SNX33: variants seen among roughly 807,000 people sequenced by gnomAD.
SNX33 encodes sorting nexin-33.
SNX33 carries 19 observed loss-of-function variants against 38.8 expected under a neutral mutation model. The ratio of observed to expected loss-of-function variants is 0.49; its 90% CI spans 0.34 to 0.72. The LOEUF (loss-of-function observed/expected upper bound fraction) is 0.72, where lower values mean the gene tolerates loss of function less well. Ranked by LOEUF, SNX33 falls within the 30% of genes least tolerant of loss-of-function variation. SNX33 has a pLI of 0.01. For missense variants in SNX33, 641 were observed against 776.4 expected (o/e 0.83, Z 2.07); for synonymous variants, 246 against 289.7 (o/e 0.85, Z 1.53).
intron 1 of SNX33, among the ~76,000 whole-genome samples, chr15:75,655,499 C>T (rs1256359205): frequency 6.6e-6 from 1 of 152,198 alleles, no homozygotes; most frequent in Non-Finnish European, 1.5e-5. Flanking sequence ...GCCCTGGAGA[C>T]TCTCTGAACT....
Position 75,650,166 on chromosome 15 carries a change from G to C in SNX33, c.1064G>C (p.Gly355Ala). ...KRRAEKDEMV[G>A]ASFLLTFQIP... ...CGGGCGGAGAAGGATGAGATGGTGG[G>C]TGCCAGCTTCCTGCTCACCTTCCAG... is the stretch of plus-strand genomic sequence containing the variant. Residue 355 changes from glycine to alanine, a missense_variant, in exon 1 of 2, where the codon GGT becomes GCT. Transcript: ENST00000308527. This position sits in a 1 kb window ranked among gnomAD's most constrained non-coding sequence, Gnocchi z 6.1. 1 of 1,610,192 alleles carries C rather than the reference G, an allele frequency of 6.2e-7. No individual in the cohort carries two copies. The highest frequency in any genetic ancestry group is 8.5e-7 in the Non-Finnish European group (1 of 1,177,992).
rs1350507948 is a variant in SNX33, at chr15:75,657,288, A to G, written c.*73A>G. 3 of 1,584,478 alleles carry G rather than the reference A, an allele frequency of 1.9e-6. No homozygotes were observed. The highest frequency in any genetic ancestry group is 1.7e-5 in the Admixed American group (1 of 59,128). On this transcript the variant is annotated 3_prime_UTR_variant, in exon 2 of 2. Transcript: ENST00000308527. The surrounding 1 kb of genome is among the most constrained non-coding windows in gnomAD (Gnocchi z 5.5). ...TGTACCCCACTTTCCCGACCTCCCTATACCAGCAGTGACTGGGGGAGGGGT... is the reference window on the plus strand; with the variant it reads ...TGTACCCCACTTTCCCGACCTCCCTGTACCAGCAGTGACTGGGGGAGGGGT...
rs200809372 is a variant in SNX33, at chr15:75,650,486, A to G, written c.1384A>G (p.Lys462Glu). The change falls in exon 1 of 2, where the codon AAG (lysine) becomes GAG (glutamate). Residue 462 changes from lysine to glutamate, a missense_variant. By Grantham distance (56) the Lys-to-Glu change is moderately conservative. Around this residue, in one of 2 missense-constraint regions of SNX33, gnomAD observed 398 missense variants for 542.5 expected, o/e 0.73. Coordinates refer to ENST00000308527, the MANE Select transcript of SNX33 (RefSeq NM_153271.2). The surrounding 1 kb of genome is among the most constrained non-coding windows in gnomAD (Gnocchi z 6.1). The stretch of plus-strand genomic sequence containing the variant: ...CGGGGAGATGTTTGCTGAGCAGCCC[A>G]AGAATGACCTCTTCCAGATGCTGGA... ...AIGEMFAEQPKNDLFQMLDTL... is the reference protein window; with the variant it reads ...AIGEMFAEQPENDLFQMLDTL... 6 of 1,614,102 alleles carry G rather than the reference A, an allele frequency of 3.7e-6. No individual in the cohort carries two copies. Among genetic ancestry groups the G allele is most frequent in the Non-Finnish European group, 5.1e-6 (6 of 1,180,034 alleles).
chr15:75,658,129 G>A lies in SNX33; in HGVS notation c.*914G>A, dbSNP rs146907105. The A allele has an allele frequency of 0.012, 1,901 of 152,650 alleles. 31 individuals are homozygous for A. Among genetic ancestry groups the A allele is most frequent in the Non-Finnish European group, 0.019 (1,293 of 68,030 alleles). The allele number at this position is 152,650 out of a possible 1,614,324, so 9.5% of individuals were successfully genotyped here. A position where few individuals can be genotyped will look rare whatever the true frequency, so the allele number is the denominator to read the frequency against. On this transcript the variant is annotated 3_prime_UTR_variant, in exon 2 of 2. Coordinates refer to ENST00000308527, the MANE Select transcript of SNX33 (RefSeq NM_153271.2). This position sits in a 1 kb window ranked among gnomAD's most constrained non-coding sequence, Gnocchi z 4.1. ...AGCATCCTCCCCTCCTCGGACTCAA[G>A]GTGCTGAGGTATAAGCCCTGGGCCC...
Position 75,647,946 on chromosome 15 carries a change from G to A in SNX33, c.-1157G>A. Reference sequence around the variant, plus strand: ...TTTTGGAGCTGCCTTCTCGCTGGCGGAGCGGAGGGTCTGCGAGCGCCGGGG... The same window carrying A: ...TTTTGGAGCTGCCTTCTCGCTGGCGAAGCGGAGGGTCTGCGAGCGCCGGGG... On this transcript the variant is annotated 5_prime_UTR_variant, in exon 1 of 2. Transcript: ENST00000308527. The A allele has an allele frequency of 6.1e-6, 6 of 985,452 alleles. No individual in the cohort carries two copies. Among genetic ancestry groups the A allele is most frequent in the Non-Finnish European group, 7.2e-6 (6 of 829,914 alleles). 61.0% of individuals were successfully genotyped at this position (985,452 alleles called of 1,614,324 possible). A position where few individuals can be genotyped will look rare whatever the true frequency, so the allele number is the denominator to read the frequency against.
Position 75,649,545 on chromosome 15 carries a change from C to A in SNX33, c.443C>A (p.Pro148His). The A allele has an allele frequency of 6.2e-7, 1 of 1,612,352 alleles. No individual in the cohort carries two copies. The highest frequency in any genetic ancestry group is 8.5e-7 in the Non-Finnish European group (1 of 1,178,966). The change falls in exon 1 of 2, where the codon CCT becomes CAT. Residue 148 changes from proline (P) to histidine (H), a missense_variant. Transcript: ENST00000308527. This position sits in a 1 kb window ranked among gnomAD's most constrained non-coding sequence, Gnocchi z 6.6. Reference sequence around the variant, plus strand: ...CACCCTCCCCTCAACCTCTCCTACCCTGGTGCCTACCCCAGCCAGCACATG... The same window carrying A: ...CACCCTCCCCTCAACCTCTCCTACCATGGTGCCTACCCCAGCCAGCACATG... ...NGHPPLNLSY[P>H]GAYPSQHMAF...
At position 75,648,555 on chromosome 15, in the gene SNX33, G is replaced by T. The variant is rs1188285015; in HGVS notation, c.-548G>T. ...TTTTTGAAAACCCAGTGGCCCAGGAGCAAGAGGAGGAAGGAGGAAGGGGCA... is the reference window on the plus strand; with the variant it reads ...TTTTTGAAAACCCAGTGGCCCAGGATCAAGAGGAGGAAGGAGGAAGGGGCA... On this transcript the variant is annotated 5_prime_UTR_variant, in exon 1 of 2. Coordinates refer to ENST00000308527, the MANE Select transcript of SNX33 (RefSeq NM_153271.2). This position sits in a 1 kb window ranked among gnomAD's most constrained non-coding sequence, Gnocchi z 4.4. The T allele has an allele frequency of 1.0e-6, 1 of 985,274 alleles. No individual in the cohort carries two copies. Among genetic ancestry groups the T allele is most frequent in the Non-Finnish European group, 1.2e-6 (1 of 829,884 alleles). 61.0% of individuals were successfully genotyped at this position (985,274 alleles called of 1,614,324 possible).
chr15:75,648,821 C>G lies in SNX33; in HGVS notation c.-282C>G, dbSNP rs995978545. On this transcript the variant is annotated 5_prime_UTR_variant, in exon 1 of 2. Coordinates refer to ENST00000308527, the MANE Select transcript of SNX33 (RefSeq NM_153271.2). This position sits in a 1 kb window ranked among gnomAD's most constrained non-coding sequence, Gnocchi z 4.4. ...TTAGGAGAGATTCCCCTCTAACCCC[C>G]CAGAGGCTGCTAAGGGAGGAGGAGA... 3 of 334,360 alleles carry G rather than the reference C, an allele frequency of 9.0e-6. No homozygotes were observed. The highest frequency in any genetic ancestry group is 4.9e-5 in the Admixed American group (1 of 20,522). The allele number at this position is 334,360 out of a possible 1,614,324, so 20.7% of individuals were successfully genotyped here.
Position 75,657,123 on chromosome 15 carries a change from A to T in SNX33, c.1633A>T (p.Met545Leu). The change falls in exon 2 of 2, where the codon ATG becomes TTG. Residue 545 changes from methionine (M) to leucine (L), a missense_variant. This residue lies in a region of SNX33 where 398 missense variants were observed against 542.5 expected (regional missense o/e 0.73). Coordinates refer to ENST00000308527, the MANE Select transcript of SNX33 (RefSeq NM_153271.2). The surrounding 1 kb of genome is among the most constrained non-coding windows in gnomAD (Gnocchi z 5.5). Reference sequence around the variant, plus strand: ...GCGCCGTGAGCTCGACTTCAAGCACATGATGCAGAACTACTTGCGCCAGCA... The same window carrying T: ...GCGCCGTGAGCTCGACTTCAAGCACTTGATGCAGAACTACTTGCGCCAGCA... ...HQRRELDFKH[M>L]MQNYLRQQIL... The T allele has an allele frequency of 1.2e-6, 2 of 1,614,200 alleles. No homozygotes were observed. Among genetic ancestry groups the T allele is most frequent in the South Asian group, 1.1e-5 (1 of 91,088 alleles).
In SNX33 at chr15:75,649,460, T is replaced by G; in HGVS notation, c.358T>G (p.Trp120Gly). The change falls in exon 1 of 2, where the codon TGG becomes GGG. Residue 120 changes from tryptophan to glycine, a missense_variant. Physicochemically the swap from Trp to Gly is radical, Grantham distance 184. This residue lies in a region of SNX33 where 243 missense variants were observed against 233.9 expected (regional missense o/e 1.04). Transcript: ENST00000308527. The surrounding 1 kb of genome is among the most constrained non-coding windows in gnomAD (Gnocchi z 6.6). ...GGATGATGATGATGACTGGGATGACTGGGACGACGGATGCACAGTGGTGGA... is the reference window on the plus strand; with the variant it reads ...GGATGATGATGATGACTGGGATGACGGGGACGACGGATGCACAGTGGTGGA... ...EEDDDDDWDD[W>G]DDGCTVVEEP... The G allele has an allele frequency of 6.5e-7, 1 of 1,537,260 alleles. No individual in the cohort carries two copies. Among genetic ancestry groups the G allele is most frequent in the Non-Finnish European group, 8.8e-7 (1 of 1,139,996 alleles).
Position 75,649,584 on chromosome 15 carries a change from A to T in SNX33, c.482A>T (p.Lys161Met). 6.2e-7 allele frequency: 1 copy of T among 1,613,890 alleles called. No individual in the cohort carries two copies. The highest frequency in any genetic ancestry group is 8.5e-7 in the Non-Finnish European group (1 of 1,179,882). Residue 161 changes from lysine to methionine, a missense_variant, in exon 1 of 2, where the codon AAG (lysine) becomes ATG (methionine). By Grantham distance (95) the Lys-to-Met change is moderately conservative. Coordinates refer to ENST00000308527, the MANE Select transcript of SNX33 (RefSeq NM_153271.2). This position sits in a 1 kb window ranked among gnomAD's most constrained non-coding sequence, Gnocchi z 6.6. ...AGCCAGCACATGGCCTTCCGGCCCAAGCCACCACTGGAGCGGCAGGACAGC... is the reference window on the plus strand; with the variant it reads ...AGCCAGCACATGGCCTTCCGGCCCATGCCACCACTGGAGCGGCAGGACAGC... Reference protein sequence around the residue: ...YPSQHMAFRPKPPLERQDSLA... With the variant: ...YPSQHMAFRPMPPLERQDSLA...
At chr15:75,656,651 C>CA (rs1893655172) in intron 1 of SNX33, among the ~76,000 whole-genome samples, 1 of 152,148 alleles carries the variant, frequency 6.6e-6, no homozygotes, top group Admixed American at 6.5e-5. Flanking sequence ...ACCAGAGACA[C>CA]AGAGAGGTTG....
At chr15:75,654,098 A>T (rs1344676184) in intron 1 of SNX33, among the ~76,000 whole-genome samples, 4 of 91,204 alleles carry the variant, frequency 4.4e-5, no homozygotes, top group Non-Finnish European at 7.9e-5. Flanking sequence ...ATCTCAAATT[A>T]AAAAAAAAAA....
At chr15:75,652,975 G>A (rs1017270793) in intron 1 of SNX33, among the ~76,000 whole-genome samples, 5 of 152,124 alleles carry the variant, frequency 3.3e-5, no homozygotes, top group Non-Finnish European at 7.4e-5. Context: ...AATGGGTGGT[G>A]AGTGTGTGGG....
rs1208494436 is a variant in SNX33, at chr15:75,657,122, C to A, written c.1632C>A (p.His544Gln). 3.7e-6 allele frequency: 6 copies of A among 1,614,086 alleles called. No individual in the cohort carries two copies. In the Admixed American group the frequency reaches 8.3e-5, roughly 22 times the overall value. Residue 544 changes from histidine (H) to glutamine (Q), a missense_variant, in exon 2 of 2, where the codon CAC becomes CAA. Physicochemically the swap from His to Gln is conservative, Grantham distance 24. Coordinates refer to ENST00000308527, the MANE Select transcript of SNX33 (RefSeq NM_153271.2). The surrounding 1 kb of genome is among the most constrained non-coding windows in gnomAD (Gnocchi z 5.5). ...FHQRRELDFK[H>Q]MMQNYLRQQI... is the part of the protein sequence containing the mutation. ...AGCGCCGTGAGCTCGACTTCAAGCACATGATGCAGAACTACTTGCGCCAGC... is the reference window on the plus strand; with the variant it reads ...AGCGCCGTGAGCTCGACTTCAAGCAAATGATGCAGAACTACTTGCGCCAGC...
chr15:75,650,409 C>T lies in SNX33; in HGVS notation c.1307C>T (p.Ser436Phe). 1 of 1,614,022 alleles carries T rather than the reference C, an allele frequency of 6.2e-7. No individual in the cohort carries two copies. The highest frequency in any genetic ancestry group is 8.5e-7 in the Non-Finnish European group (1 of 1,179,978). ...HSFQMDPPFC[S>F]EALNSAISHT... is the part of the protein sequence containing the mutation. ...TTCCAGATGGACCCCCCCTTTTGCT[C>T]TGAGGCCCTCAACAGTGCCATTTCT... The change falls in exon 1 of 2, where the codon TCT (serine) becomes TTT (phenylalanine). Residue 436 changes from serine (S) to phenylalanine (F), a missense_variant. By Grantham distance (155) the Ser-to-Phe change is radical (BLOSUM62 -2). Around this residue, in one of 2 missense-constraint regions of SNX33, gnomAD observed 398 missense variants for 542.5 expected, o/e 0.73. Transcript: ENST00000308527. This position sits in a 1 kb window ranked among gnomAD's most constrained non-coding sequence, Gnocchi z 6.1.
Position 75,656,990 on chromosome 15 carries a change from A to T in SNX33, c.1500A>T (p.Gln500His). 1 of 1,613,864 alleles carries T rather than the reference A, an allele frequency of 6.2e-7. No homozygotes were observed. Among genetic ancestry groups the T allele is most frequent in the Non-Finnish European group, 8.5e-7 (1 of 1,179,852 alleles). Residue 500 changes from glutamine (Q) to histidine (H), a missense_variant, in exon 2 of 2, where the codon CAA (glutamine) becomes CAT (histidine). Gln to His is a conservative substitution (Grantham distance 24). Coordinates refer to ENST00000308527, the MANE Select transcript of SNX33 (RefSeq NM_153271.2). ...CCTTCGCCAAGGTGAAGGAGAGCCA[A>T]CGCATGAGTGACGAGGGCCGCATGG... ...KGAFAKVKES[Q>H]RMSDEGRMVQ... is the part of the protein sequence containing the mutation.
At chr15:75,655,713 G>C (rs987656074) in intron 1 of SNX33, among the ~76,000 whole-genome samples, 7 of 152,180 alleles carry the variant, frequency 4.6e-5, no homozygotes, top group African/African-American at 1.7e-4. Flanking sequence ...TATCTAGACA[G>C]CCCTCAAGAG....
chr15:75,657,331 A>G lies in SNX33; in HGVS notation c.*116A>G. 1 of 1,523,024 alleles carries G rather than the reference A, an allele frequency of 6.6e-7. No homozygotes were observed. The highest frequency in any genetic ancestry group is 1.2e-5 in the South Asian group (1 of 80,858). The allele number at this position is 1,523,024 out of a possible 1,614,324, so 94.3% of individuals were successfully genotyped here. A position where few individuals can be genotyped will look rare whatever the true frequency, so the allele number is the denominator to read the frequency against. ...GGAGGGGTCAGCGGTGGGGGAGATA[A>G]GCGGCCTGTCCTGCCTCCTGGGAGA... On this transcript the variant is annotated 3_prime_UTR_variant, in exon 2 of 2. Coordinates refer to ENST00000308527, the MANE Select transcript of SNX33 (RefSeq NM_153271.2). This position sits in a 1 kb window ranked among gnomAD's most constrained non-coding sequence, Gnocchi z 5.5.
Sources: allele counts gnomAD v4.1 joint callset (sites outside exome capture counted in the v4.1 genomes callset), GRCh38; gene constraint gnomAD v4.1.1; regional missense constraint gnomAD v4.1.1; non-coding constraint Gnocchi (gnomAD v3.1); transcripts MANE v1.5; gene names NCBI Gene and HGNC (gene_info 2026-07-23, HGNC 2026-07-21).